TMEM129: variants seen among roughly 807,000 people sequenced by gnomAD.
The protein encoded by TMEM129 is E3 ubiquitin-protein ligase TM129.
TMEM129 carries 35 observed loss-of-function variants against 34.1 expected under a neutral mutation model. That is an observed-to-expected ratio of 1.03 (90% CI 0.78 to 1.36). The LOEUF (loss-of-function observed/expected upper bound fraction) is 1.36. Ranked by LOEUF, TMEM129 falls within the 40% of genes most tolerant of loss-of-function variation. The probability of loss-of-function intolerance (pLI) is 0.00; values close to 1 mark genes in which losing one functional copy is unlikely to be tolerated. For synonymous variants in TMEM129, 239 were observed against 217.3 expected (o/e 1.10, Z -0.88); for missense variants, 504 against 512.6 (o/e 0.98, Z 0.16).
rs1716986655 is a variant in TMEM129 at position 1,716,892 on chromosome 4, GTGTC to G, written c.*284_*287del. On this transcript the variant is annotated 3_prime_UTR_variant, in exon 4 of 4. Transcript: ENST00000382936. ...AGGGAATGGCTCGGGGGCAGACGCT[GTGTC>G]TGTGTGTGCAGGATCTGCCCCCACC... 2.6e-6 allele frequency: 1 copy of G among 378,362 alleles called. No individual in the cohort carries two copies. The highest frequency in any genetic ancestry group is 4.7e-6 in the Non-Finnish European group (1 of 213,480). The allele number at this position is 378,362 out of a possible 1,614,324, so 23.4% of individuals were successfully genotyped here. A position where few individuals can be genotyped will look rare whatever the true frequency, so the allele number is the denominator to read the frequency against.
At position 1,718,404 on chromosome 4, in the gene TMEM129, G is replaced by A; in HGVS notation, c.428C>T (p.Ser143Phe). 1.2e-6 allele frequency: 2 copies of A among 1,605,954 alleles called. No homozygotes were observed. Among genetic ancestry groups the A allele is most frequent in the South Asian group, 1.1e-5 (1 of 89,748 alleles). The part of the protein sequence containing the change: ...LPQSGWQAVA[S>F]SVNTEFRRID... Reference sequence around the variant, plus strand: ...CCGCCGGAACTCAGTGTTGACAGAGGAGGCAACAGCCTGCCAGCCAGACTG... The same window carrying A: ...CCGCCGGAACTCAGTGTTGACAGAGAAGGCAACAGCCTGCCAGCCAGACTG... Residue 143 changes from serine (S) to phenylalanine (F), a missense_variant, in exon 2 of 4, where the codon TCC becomes TTC. Ser to Phe is a radical substitution (Grantham distance 155). Coordinates refer to ENST00000382936, the MANE Select transcript of TMEM129 (RefSeq NM_001127266.2).
Position 1,717,765 on chromosome 4 carries a change from G to A in TMEM129, c.681-90C>T, listed in dbSNP as rs1023387237. The A allele has an allele frequency of 1.3e-5, 18 of 1,427,450 alleles. No individual in the cohort carries two copies. The East Asian group carries it at 2.0e-4, about 16-fold the overall frequency. The allele number at this position is 1,427,450 out of a possible 1,614,324, so 88.4% of individuals were successfully genotyped here. A position where few individuals can be genotyped will look rare whatever the true frequency, so the allele number is the denominator to read the frequency against. ...CCCAAGGAGTGACAGGGCAGCTGTCGCACCAGGACCAACCAGGAGAGATGG... is the reference window on the plus strand; with the variant it reads ...CCCAAGGAGTGACAGGGCAGCTGTCACACCAGGACCAACCAGGAGAGATGG... On this transcript the variant is annotated intron_variant, in intron 2 of 3. Coordinates refer to ENST00000382936, the MANE Select transcript of TMEM129 (RefSeq NM_001127266.2).
Position 1,720,711 on chromosome 4 carries a change from T to A in TMEM129, c.127A>T (p.Ser43Cys). ...VQNLLSGWLG[S>C]EDAAFVPFHL... ...AAGGGCACGAAGGCGGCGTCCTCGC[T>A]GCCCAGCCAGCCCGACAGCAGGTTC... is the stretch of plus-strand genomic sequence containing the variant. Residue 43 changes from serine to cysteine, a missense_variant, in exon 1 of 4, where the codon AGC (serine) becomes TGC (cysteine). Transcript: ENST00000382936. This position sits in a 1 kb window ranked among gnomAD's most constrained non-coding sequence, Gnocchi z 4.4. The A allele has an allele frequency of 1.3e-6, 2 of 1,558,652 alleles. No individual in the cohort carries two copies. Among genetic ancestry groups the A allele is most frequent in the African/African-American group, 2.7e-5 (2 of 73,372 alleles).
chr4:1,715,990 G>A lies in TMEM129; in HGVS notation c.*1190C>T, dbSNP rs1380294186. On this transcript the variant is annotated 3_prime_UTR_variant, in exon 4 of 4. Coordinates refer to ENST00000382936, the MANE Select transcript of TMEM129 (RefSeq NM_001127266.2). ...AATTTTATTAAATATGGTGTCATTT[G>A]GCTACAATCGGTTTGTCTTTATAAA... is the stretch of plus-strand genomic sequence containing the variant. The A allele has an allele frequency of 1.3e-5, 2 of 152,128 alleles. No homozygotes were observed. Among genetic ancestry groups the A allele is most frequent in the Non-Finnish European group, 2.9e-5 (2 of 68,038 alleles). The allele number at this position is 152,128 out of a possible 1,614,324, so 9.4% of individuals were successfully genotyped here.
chr4:1,717,279 G>C lies in TMEM129; in HGVS notation c.990C>G (p.Arg330=). The change falls in exon 4 of 4, where the codon CGC becomes CGG. Residue 330 remains arginine (R), a synonymous_variant. Coordinates refer to ENST00000382936, the MANE Select transcript of TMEM129 (RefSeq NM_001127266.2). ...AGGTGTCAGGGCGCAGGGGGTCCTG[G>C]CGGCTGGCGAACCACTTGCCCATGC... The part of the protein sequence containing the change: ...LTCMGKWFAS[R]QDPLRPDTWL... 1 of 1,531,516 alleles carries C rather than the reference G, an allele frequency of 6.5e-7. No homozygotes were observed. The highest frequency in any genetic ancestry group is 2.5e-5 in the East Asian group (1 of 40,432). The allele number at this position is 1,531,516 out of a possible 1,614,324, so 94.9% of individuals were successfully genotyped here.
In TMEM129 at chr4:1,721,153, C is replaced by T. The variant is rs1303302473; in HGVS notation, c.-316G>A. 2.3e-5 allele frequency: 5 copies of T among 216,722 alleles called. No individual in the cohort carries two copies. Among genetic ancestry groups the T allele is most frequent in the Non-Finnish European group, 4.4e-5 (5 of 113,386 alleles). The allele number at this position is 216,722 out of a possible 1,614,324, so 13.4% of individuals were successfully genotyped here. On this transcript the variant is annotated 5_prime_UTR_variant, in exon 1 of 4. Transcript: ENST00000382936. The stretch of plus-strand genomic sequence containing the variant: ...GGGAGATGCAGTCCCCGTGCGGGTG[C>T]GGCCTCTCTTCTCGGCCGGCCCTGG...
Position 1,716,975 on chromosome 4 carries a change from T to C in TMEM129, c.*205A>G. On this transcript the variant is annotated 3_prime_UTR_variant, in exon 4 of 4. Transcript: ENST00000382936. ...GAGGAGGTGCCCAGGACTTGTACCC[T>C]GGCTGCCAAGCAGGGTGGGGTGTTT... is the stretch of plus-strand genomic sequence containing the variant. 2 of 550,482 alleles carry C rather than the reference T, an allele frequency of 3.6e-6. No homozygotes were observed. Among genetic ancestry groups the C allele is most frequent in the Non-Finnish European group, 2.8e-6 (1 of 357,556 alleles). The allele number at this position is 550,482 out of a possible 1,614,324, so 34.1% of individuals were successfully genotyped here. A position where few individuals can be genotyped will look rare whatever the true frequency, so the allele number is the denominator to read the frequency against.
chr4:1,720,469 C>G lies in TMEM129; in HGVS notation c.205+164G>C, dbSNP rs940354602. Among the ~76,000 whole-genome samples, 1 of 152,282 alleles carries G rather than the reference C, an allele frequency of 6.6e-6. No individual in the cohort carries two copies. The highest frequency in any genetic ancestry group is 2.4e-5 in the African/African-American group (1 of 41,476). On this transcript the variant is annotated intron_variant, in intron 1 of 3. Transcript: ENST00000382936. The surrounding 1 kb of genome is among the most constrained non-coding windows in gnomAD (Gnocchi z 4.4). ...AGTCAGTGCCGGCGGCGCCCCTAAG[C>G]GCGCTCAGCCCACGCCGCGGTCCCT...
intron 1 of TMEM129, chr4:1,719,012 G>A: frequency 7.0e-6 from 9 of 1,280,110 alleles, no homozygotes; most frequent in Non-Finnish European, 9.1e-6. Flanking sequence ...GATCAAATGT[G>A]GTGCATCCCA....
chr4:1,718,848 C>G, intron 1 of TMEM129: 1 of 1,393,184 alleles, frequency 7.2e-7, no homozygotes, highest in Non-Finnish European at 9.3e-7. Context: ...TTTAGTTTCA[C>G]ACAATACGTA....
In TMEM129 at chr4:1,718,221, T is replaced by G; in HGVS notation, c.611A>C (p.Asn204Thr). The G allele has an allele frequency of 6.3e-7, 1 of 1,599,464 alleles. No homozygotes were observed. Residue 204 changes from asparagine to threonine, a missense_variant, in exon 2 of 4, where the codon AAC (asparagine) becomes ACC (threonine). Coordinates refer to ENST00000382936, the MANE Select transcript of TMEM129 (RefSeq NM_001127266.2). ...GATGGTGAGGAGCTGCACGGGCAAG[T>G]TCGAGTCTGGCGAGAGCTCATGCTG... The part of the protein sequence containing the change: ...SRQHELSPDS[N>T]LPVQLLTIRV...
Position 1,716,376 on chromosome 4 carries a change from T to G in TMEM129, c.*804A>C, listed in dbSNP as rs1054764408. On this transcript the variant is annotated 3_prime_UTR_variant, in exon 4 of 4. Coordinates refer to ENST00000382936, the MANE Select transcript of TMEM129 (RefSeq NM_001127266.2). Reference sequence around the variant, plus strand: ...ACCACAGGGGGCGTGCATCCCCTTCTGAGCCTGGGAGACCCTAGGGGAGTG... The same window carrying G: ...ACCACAGGGGGCGTGCATCCCCTTCGGAGCCTGGGAGACCCTAGGGGAGTG... 1 of 152,330 alleles carries G rather than the reference T, an allele frequency of 6.6e-6. No individual in the cohort carries two copies. Among genetic ancestry groups the G allele is most frequent in the African/African-American group, 2.4e-5 (1 of 41,462 alleles). The allele number at this position is 152,330 out of a possible 1,614,324, so 9.4% of individuals were successfully genotyped here.
In TMEM129 at chr4:1,720,029, A is replaced by C. The variant is rs1384733915; in HGVS notation, c.205+604T>G. Among the ~76,000 whole-genome samples, 13 of 129,706 alleles carry C rather than the reference A, an allele frequency of 1.0e-4. No homozygotes were observed. The highest frequency in any genetic ancestry group is 2.3e-4 in the East Asian group (1 of 4,444). The allele number at this position is 129,706 out of a possible 152,430, so 85.1% of individuals were successfully genotyped here. ...TCCCCCTCCAGCCACTGCACACCCC[A>C]CCTCCCACCTGTCCGTCATCCAATC... On this transcript the variant is annotated intron_variant, in intron 1 of 3. Transcript: ENST00000382936. This position sits in a 1 kb window ranked among gnomAD's most constrained non-coding sequence, Gnocchi z 4.4.
At chr4:1,718,975 C>T in intron 1 of TMEM129, 2 of 1,256,460 alleles carry the variant, frequency 1.6e-6, no homozygotes, top group Non-Finnish European at 1.0e-6. Context: ...ATCTCAGTCT[C>T]TCAATCTCAC....
rs1216596066 is a variant in TMEM129 at position 1,717,214 on chromosome 4, C to CGTGCGCGGCAGGTGGT, written c.1054_1055insACCACCTGCCGCGCAC (p.Arg352HisfsTer23). The CGTGCGCGGCAGGTGGT allele has an allele frequency of 4.7e-6, 7 of 1,486,770 alleles. No homozygotes were observed. 92.1% of individuals were successfully genotyped at this position (1,486,770 alleles called of 1,614,324 possible). ...GGTGCACACATCCAGGATGCAGAAG[C>CGTGCGCGGCAGGTGGT]GTGCGCGGCAGGTGGGGCAGGGCAC... On this transcript the variant is annotated frameshift_variant, in exon 4 of 4. Transcript: ENST00000382936. LOFTEE classifies it high-confidence loss of function.
chr4:1,717,939 G>C, intron 2 of TMEM129: 2 of 670,860 alleles, frequency 3.0e-6, no homozygotes, highest in Non-Finnish European at 4.9e-6. Context: ...GGGAGTGGAA[G>C]GGGAGGCCAA....
Position 1,715,985 on chromosome 4 carries a change from C to A in TMEM129, c.*1195G>T, listed in dbSNP as rs1716938937. 1 of 152,212 alleles carries A rather than the reference C, an allele frequency of 6.6e-6. No homozygotes were observed. Among genetic ancestry groups the A allele is most frequent in the South Asian group, 2.1e-4 (1 of 4,836 alleles). The allele number at this position is 152,212 out of a possible 1,614,324, so 9.4% of individuals were successfully genotyped here. On this transcript the variant is annotated 3_prime_UTR_variant, in exon 4 of 4. Coordinates refer to ENST00000382936, the MANE Select transcript of TMEM129 (RefSeq NM_001127266.2). ...GACTAAATTTTATTAAATATGGTGT[C>A]ATTTGGCTACAATCGGTTTGTCTTT...
chr4:1,720,227 C>A lies in TMEM129; in HGVS notation c.205+406G>T, dbSNP rs931701984. Among the ~76,000 whole-genome samples, 1 of 152,220 alleles carries A rather than the reference C, an allele frequency of 6.6e-6. No homozygotes were observed. The highest frequency in any genetic ancestry group is 1.5e-5 in the Non-Finnish European group (1 of 68,038). ...CAAATCCGCCTGTTCTCTCCACACCCACCTTCCAAGGCCTAGTGCAGTGCC... is the reference window on the plus strand; with the variant it reads ...CAAATCCGCCTGTTCTCTCCACACCAACCTTCCAAGGCCTAGTGCAGTGCC... On this transcript the variant is annotated intron_variant, in intron 1 of 3. Coordinates refer to ENST00000382936, the MANE Select transcript of TMEM129 (RefSeq NM_001127266.2). This position sits in a 1 kb window ranked among gnomAD's most constrained non-coding sequence, Gnocchi z 4.4.
At position 1,717,074 on chromosome 4, in the gene TMEM129, A is replaced by G; in HGVS notation, c.*106T>C. 2.3e-6 allele frequency: 3 copies of G among 1,315,700 alleles called. No homozygotes were observed. Among genetic ancestry groups the G allele is most frequent in the Non-Finnish European group, 2.0e-6 (2 of 1,024,118 alleles). 81.5% of individuals were successfully genotyped at this position (1,315,700 alleles called of 1,614,324 possible). ...GGGCAGAGGCGAGTTGCTCTACATC[A>G]TGTGCTTTAAGTAGAGCCCTTTGCC... On this transcript the variant is annotated 3_prime_UTR_variant, in exon 4 of 4. Transcript: ENST00000382936.
Sources: gnomAD v4.1 joint callset for allele counts (sites outside exome capture counted in the v4.1 genomes callset) on GRCh38, gnomAD v4.1.1 for gene constraint, Gnocchi (gnomAD v3.1) non-coding constraint, MANE v1.5 for transcripts, NCBI Gene and HGNC (gene_info 2026-07-23, HGNC 2026-07-21) for gene names.